The following ADAM9 variants were observed in gnomAD, a reference collection of about 807,000 sequenced individuals.
ADAM9 encodes the protein ADAM metallopeptidase domain 9.
Under a neutral mutation model 108.1 loss-of-function variants are expected in ADAM9, and 54 were observed. The observed-to-expected ratio is 0.50, with a 90% CI of 0.40 to 0.63. The LOEUF is 0.63. Ranked by LOEUF, ADAM9 falls within the 20% of genes least tolerant of loss-of-function variation. The probability of loss-of-function intolerance (pLI) is 0.00; values close to 1 mark genes in which losing one functional copy is unlikely to be tolerated. For synonymous variants in ADAM9, 316 were observed against 336.0 expected (o/e 0.94, Z 0.65); for missense variants, 830 against 997.7 (o/e 0.83, Z 2.26).
intron 1 of ADAM9, among the ~76,000 whole-genome samples, chr8:39,004,445 G>A (rs912095934): frequency 3.3e-5 from 5 of 152,078 alleles, no homozygotes; most frequent in African/African-American, 1.2e-4. Flanking sequence ...GAGCTCTTGG[G>A]CTCAAGTGAT....
intron 14 of ADAM9, among the ~76,000 whole-genome samples, chr8:39,059,023 G>C (rs1016021306): frequency 6.6e-6 from 1 of 152,212 alleles, no homozygotes; most frequent in African/African-American, 2.4e-5. Flanking sequence ...TTTCCACCAT[G>C]CTGTCAGCCA....
chr8:39,074,198 G>T (rs191373187), intron 15 of ADAM9, among the ~76,000 whole-genome samples: 109 of 152,152 alleles, frequency 7.2e-4, no homozygotes, highest in South Asian at 1.5e-3. Context: ...TTAAAGAAAG[G>T]ATTCACATAT....
chr8:39,069,498 A>G (rs1838606883), intron 14 of ADAM9, among the ~76,000 whole-genome samples: 3 of 152,224 alleles, frequency 2.0e-5, no homozygotes, highest in Non-Finnish European at 4.4e-5. Flanking sequence ...TATTTATCAA[A>G]TAAGTGAAGA....
Position 39,090,202 on chromosome 8 carries a change from T to C in ADAM9, c.2210+14T>C, listed in dbSNP as rs199880101. The stretch of plus-strand genomic sequence containing the variant: ...ACAAACATATGAGTACTTAGATTTT[T>C]TTCTTTTAATTCCTATATTAAATAT... On this transcript the variant is annotated intron_variant, in intron 19 of 21. Transcript: ENST00000487273. 2.3e-3 allele frequency: 3,749 copies of C among 1,602,192 alleles called. 14 individuals carry two copies. Among genetic ancestry groups the C allele is most frequent in the Middle Eastern group, 9.8e-3 (59 of 6,024 alleles).
chr8:39,009,886 T>G (rs1196137083), intron 2 of ADAM9, among the ~76,000 whole-genome samples: 1 of 78,640 alleles, frequency 1.3e-5, no homozygotes, highest in African/African-American at 5.1e-5. Context: ...GGAGCTTGCA[T>G]TCTAGTGATG....
In ADAM9 at chr8:39,009,796, C is replaced by T. The variant is rs186942681; in HGVS notation, c.195+1813C>T. Among the ~76,000 whole-genome samples, 17 of 150,482 alleles carry T rather than the reference C, an allele frequency of 1.1e-4. No homozygotes were observed. The East Asian group carries it at 2.0e-3, about 17-fold the overall frequency. ...TGAGTTACTATTGTATGCTAGGCACCATTTAGGTATTGGGGATACGGCAGT... is the reference window on the plus strand; with the variant it reads ...TGAGTTACTATTGTATGCTAGGCACTATTTAGGTATTGGGGATACGGCAGT... On this transcript the variant is annotated intron_variant, in intron 2 of 21. Coordinates refer to ENST00000487273, the MANE Select transcript of ADAM9 (RefSeq NM_003816.3).
chr8:39,040,980 T>G (rs1355052304), intron 11 of ADAM9, among the ~76,000 whole-genome samples: 3 of 152,170 alleles, frequency 2.0e-5, no homozygotes, highest in Non-Finnish European at 4.4e-5. Context: ...ATGTCAGACT[T>G]GAAACTGTAA....
At chr8:39,092,085 A>G (rs1307945703) in intron 20 of ADAM9, among the ~76,000 whole-genome samples, 2 of 152,096 alleles carry the variant, frequency 1.3e-5, no homozygotes, top group Non-Finnish European at 2.9e-5. Context: ...ATCATGATAT[A>G]CTTTTATTGA....
In ADAM9 at chr8:39,082,624, ATT is replaced by A. The variant is rs747974915; in HGVS notation, c.1882-5_1882-4del. 3.6e-4 allele frequency: 441 copies of A among 1,211,474 alleles called. No homozygotes were observed. Among genetic ancestry groups the A allele is most frequent in the Admixed American group, 4.4e-4 (21 of 47,688 alleles). 75.0% of individuals were successfully genotyped at this position (1,211,474 alleles called of 1,614,324 possible). ...TGCTCAATCTTTCTTTACTTAGTTC[ATT>A]TTTTTTTTTTTCAGATCTGTAGAAA... On this transcript the variant is annotated splice_polypyrimidine_tract_variant and intron_variant, in intron 16 of 21. Coordinates refer to ENST00000487273, the MANE Select transcript of ADAM9 (RefSeq NM_003816.3).
chr8:39,027,301 T>A (rs1836953270), intron 11 of ADAM9, among the ~76,000 whole-genome samples: 1 of 152,210 alleles, frequency 6.6e-6, no homozygotes, highest in African/African-American at 2.4e-5. Context: ...GAGATCCTGA[T>A]ATATTTCTAT....
intron 12 of ADAM9, among the ~76,000 whole-genome samples, chr8:39,049,342 C>T (rs1257417711): frequency 2.0e-5 from 3 of 151,824 alleles, no homozygotes; most frequent in Non-Finnish European, 1.5e-5. Context: ...CAATTACATA[C>T]AAAAACTCTT....
chr8:39,090,922 G>A (rs543457225), intron 19 of ADAM9, among the ~76,000 whole-genome samples: 36 of 152,256 alleles, frequency 2.4e-4, no homozygotes, highest in African/African-American at 6.7e-4. Flanking sequence ...TTTTTAAAAT[G>A]ACTACTTGGC....
intron 12 of ADAM9, among the ~76,000 whole-genome samples, chr8:39,053,638 T>TA (rs1452228811): frequency 3.3e-5 from 5 of 152,154 alleles, no homozygotes; most frequent in African/African-American, 1.2e-4. Flanking sequence ...TACCACAGAA[T>TA]ACAAAACAGA....
chr8:39,034,405 G>A (rs1419004256), intron 11 of ADAM9, among the ~76,000 whole-genome samples: 5 of 152,086 alleles, frequency 3.3e-5, no homozygotes, highest in African/African-American at 9.7e-5. Context: ...TCATATAGCT[G>A]TGTGCCAGGA....
chr8:39,059,725 C>G (rs1037510163), intron 14 of ADAM9, among the ~76,000 whole-genome samples: 1 of 152,242 alleles, frequency 6.6e-6, no homozygotes, highest in Admixed American at 6.5e-5. Flanking sequence ...CAACCAGGTG[C>G]ACTTCAGGGA....
chr8:39,014,851 A>T (rs1836476192), intron 4 of ADAM9: 1 of 320,310 alleles, frequency 3.1e-6, no homozygotes, highest in East Asian at 6.0e-5. Context: ...GTACTTACAA[A>T]AACCAAGGAA....
intron 2 of ADAM9, among the ~76,000 whole-genome samples, chr8:39,010,652 G>A (rs1158475571): frequency 6.6e-6 from 1 of 152,184 alleles, no homozygotes; most frequent in Non-Finnish European, 1.5e-5. Flanking sequence ...TAATGACATG[G>A]TGAATTGCTG....
At chr8:39,023,392 G>A (rs898950062) in intron 9 of ADAM9, 67 bp downstream of exon 9, 9 of 1,467,490 alleles carry the variant, frequency 6.1e-6, no homozygotes, top group Admixed American at 2.2e-5. Flanking sequence ...TTATTTTCTT[G>A]TATTAGAATT....
chr8:39,032,783 TC>T (rs1837139541), intron 11 of ADAM9, among the ~76,000 whole-genome samples: 1 of 152,244 alleles, frequency 6.6e-6, no homozygotes, highest in Admixed American at 6.5e-5. Context: ...CCGGAGCTGT[TC>T]CTATTCGGCC....
Sources: allele counts gnomAD v4.1 joint callset (sites outside exome capture counted in the v4.1 genomes callset), GRCh38; gene constraint gnomAD v4.1.1; transcripts MANE v1.5; gene names NCBI Gene and HGNC (gene_info 2026-07-23, HGNC 2026-07-21).